HECTD2: variants seen among roughly 807,000 people sequenced by gnomAD.
HECTD2 encodes probable E3 ubiquitin-protein ligase HECTD2.
In HECTD2, 35 loss-of-function variants were observed where a neutral mutation model predicts 103.2. That is an observed-to-expected ratio of 0.34 (90% CI 0.26 to 0.45). HECTD2 has a LOEUF of 0.45. Among genes scored for constraint, HECTD2 ranks in the 20% least tolerant of loss-of-function variants. The probability of loss-of-function intolerance (pLI) is 1.00; values close to 1 mark genes in which losing one functional copy is unlikely to be tolerated. For missense variants in HECTD2, 596 were observed against 937.4 expected (o/e 0.64, Z 4.76); for synonymous variants, 281 against 329.9 (o/e 0.85, Z 1.61).
intron 14 of HECTD2, among the ~76,000 whole-genome samples, chr10:91,495,362 A>AAAT (rs1230605814): frequency 6.6e-6 from 1 of 152,004 alleles, no homozygotes; most frequent in African/African-American, 2.4e-5. Context: ...TTTGAAGTAT[A>AAAT]AGGCCTTATT....
chr10:91,488,335 A>T (rs1435103873), intron 11 of HECTD2: 1 of 152,986 alleles, frequency 6.5e-6, no homozygotes, highest in Non-Finnish European at 1.5e-5. Flanking sequence ...GACTGAGTTT[A>T]GGCAAATTGT....
chr10:91,425,501 G>T, intron 2 of HECTD2, 91 bp downstream of exon 2: 1 of 937,104 alleles, frequency 1.1e-6, no homozygotes, highest in Non-Finnish European at 1.5e-6. Flanking sequence ...GTTCTGATAG[G>T]TCTAGTTAAT....
intron 13 of HECTD2, among the ~76,000 whole-genome samples, chr10:91,492,986 T>C (rs1846535196): frequency 6.6e-6 from 1 of 151,840 alleles, no homozygotes; most frequent in African/African-American, 2.4e-5. Flanking sequence ...AAGGAGAATT[T>C]TCAGTGTTTT....
intron 2 of HECTD2, among the ~76,000 whole-genome samples, chr10:91,453,995 G>A (rs926717877): frequency 5.9e-5 from 9 of 152,098 alleles, no homozygotes; most frequent in Non-Finnish European, 1.2e-4. Flanking sequence ...GTCATCACAA[G>A]TGTGTACGCA....
chr10:91,411,824 T>C (rs866257761), intron 1 of HECTD2, among the ~76,000 whole-genome samples: 11 of 152,340 alleles, frequency 7.2e-5, no homozygotes, highest in Admixed American at 5.9e-4. Context: ...CTTGGAGACC[T>C]GGTTCCTGCT....
chr10:91,413,253 G>A (rs1274790637), intron 1 of HECTD2, among the ~76,000 whole-genome samples: 1 of 152,134 alleles, frequency 6.6e-6, no homozygotes, highest in Non-Finnish European at 1.5e-5. Context: ...TTTACAGAAA[G>A]GTACAGGGGT....
intron 5 of HECTD2, among the ~76,000 whole-genome samples, chr10:91,470,168 A>G (rs1172669549): frequency 6.6e-6 from 1 of 152,222 alleles, no homozygotes; most frequent in East Asian, 1.9e-4. Flanking sequence ...TGAGGAAGAA[A>G]CTAACAAAGA....
At chr10:91,463,373 G>A (rs1258903963) in intron 5 of HECTD2, 2 of 152,226 alleles carry the variant, frequency 1.3e-5, no homozygotes, top group Non-Finnish European at 2.9e-5. Flanking sequence ...TGAGGAAGAG[G>A]AGGGGTTGGT....
chr10:91,471,380 A>G (rs1042405138), intron 5 of HECTD2, among the ~76,000 whole-genome samples: 1 of 152,198 alleles, frequency 6.6e-6, no homozygotes, highest in Non-Finnish European at 1.5e-5. Flanking sequence ...AATGAGCAAA[A>G]GCTACAAGTC....
At position 91,451,369 on chromosome 10, in the gene HECTD2, C is replaced by G. The variant is rs184489983; in HGVS notation, c.269-9058C>G. ...GGGAACATCACACACTGGGGCCTTT[C>G]GGTGGATTGGGACCAGGGGAGGGAT... is the stretch of plus-strand genomic sequence containing the variant. On this transcript the variant is annotated intron_variant, in intron 2 of 20. Coordinates refer to ENST00000298068, the MANE Select transcript of HECTD2 (RefSeq NM_182765.6). Among the ~76,000 whole-genome samples the G allele has an allele frequency of 3.9e-4, 60 of 151,924 alleles. 1 individual carries two copies. Among genetic ancestry groups the G allele is most frequent in the Admixed American group, 2.7e-3 (41 of 15,230 alleles).
chr10:91,445,923 C>T (rs886744564), intron 2 of HECTD2, among the ~76,000 whole-genome samples: 1 of 152,114 alleles, frequency 6.6e-6, no homozygotes, highest in Admixed American at 6.5e-5. Flanking sequence ...GCCTATGCCA[C>T]CAGGGCCCTG....
chr10:91,429,621 C>T (rs1249504378), intron 2 of HECTD2, among the ~76,000 whole-genome samples: 1 of 152,104 alleles, frequency 6.6e-6, no homozygotes, highest in Non-Finnish European at 1.5e-5. Context: ...GTGTATGTGT[C>T]GAGGAATTTA....
At chr10:91,444,646 C>G (rs1844517198) in intron 2 of HECTD2, among the ~76,000 whole-genome samples, 1 of 152,116 alleles carries the variant, frequency 6.6e-6, no homozygotes, top group Admixed American at 6.6e-5. Context: ...GCATTGTTTC[C>G]AGAGACAGGC....
At chr10:91,511,370 CTCT>C (rs990896742) in intron 20 of HECTD2, among the ~76,000 whole-genome samples, 1 of 152,100 alleles carries the variant, frequency 6.6e-6, no homozygotes, top group Non-Finnish European at 1.5e-5. Context: ...CCCCAAAATG[CTCT>C]TTTTTAAATT....
At chr10:91,512,113 A>C (rs1449519137) in intron 20 of HECTD2, 151 bp from the exon 21 acceptor site, 3 of 761,880 alleles carry the variant, frequency 3.9e-6, no homozygotes, top group East Asian at 5.2e-5. Context: ...GGTACTCAGT[A>C]AATATCTGTT....
intron 2 of HECTD2, among the ~76,000 whole-genome samples, chr10:91,435,385 C>T (rs1844073015): frequency 6.6e-6 from 1 of 151,962 alleles, no homozygotes; most frequent in African/African-American, 2.4e-5. Context: ...CCTGAGTGTC[C>T]TCAGCTGAGT....
intron 20 of HECTD2, among the ~76,000 whole-genome samples, chr10:91,507,951 C>T (rs1338616418): frequency 2.2e-5 from 3 of 138,662 alleles, no homozygotes; most frequent in Admixed American, 2.0e-4. Context: ...AGAACAGAGC[C>T]CTCAGAAATA....
At chr10:91,457,980 A>T (rs1316657899) in intron 2 of HECTD2, among the ~76,000 whole-genome samples, 1 of 151,350 alleles carries the variant, frequency 6.6e-6, no homozygotes, top group African/African-American at 2.4e-5. Context: ...AGAAAATAAG[A>T]AATAAGACTT....
chr10:91,427,718 G>C (rs955621878), intron 2 of HECTD2, among the ~76,000 whole-genome samples: 2 of 151,990 alleles, frequency 1.3e-5, no homozygotes, highest in African/African-American at 4.8e-5. Flanking sequence ...TTGTAAATTT[G>C]TTTGAGTTCA....
Sources: allele counts gnomAD v4.1 joint callset (sites outside exome capture counted in the v4.1 genomes callset), GRCh38; gene constraint gnomAD v4.1.1; transcripts MANE v1.5; gene names NCBI Gene and HGNC (gene_info 2026-07-23, HGNC 2026-07-21).